PTGIR: variants seen among roughly 807,000 people sequenced by gnomAD.
PTGIR encodes the protein prostacyclin receptor.
PTGIR carries 16 observed loss-of-function variants against 17.6 expected under a neutral mutation model. That is an observed-to-expected ratio of 0.91 (90% CI 0.61 to 1.38). PTGIR has a LOEUF of 1.38. Among genes scored for constraint, PTGIR ranks in the 40% most tolerant of loss-of-function variants. PTGIR has a pLI of 0.00. For synonymous variants in PTGIR, 274 were observed against 255.4 expected (o/e 1.07, Z -0.69); for missense variants, 532 against 548.6 (o/e 0.97, Z 0.30).
downstream of PTGIR, among the ~76,000 whole-genome samples, chr19:46,616,903 C>T (rs1176117161): frequency 1.3e-5 from 2 of 152,258 alleles, no homozygotes; most frequent in African/African-American, 2.4e-5. Context: ...AGCAGACACA[C>T]GTCCTTGCCA....
At chr19:46,613,506 T>C in the PTGIR span, among the ~76,000 whole-genome samples, 1 of 152,004 alleles carries the variant, frequency 6.6e-6, no homozygotes, top group Non-Finnish European at 1.5e-5. Context: ...ATTTCTTTTG[T>C]ATTTTAGTAG....
At chr19:46,619,152 C>A (rs988108414), downstream of PTGIR, among the ~76,000 whole-genome samples, 8 of 152,054 alleles carry the variant, frequency 5.3e-5, no homozygotes, top group African/African-American at 1.9e-4. Context: ...CTGTGTGAGT[C>A]GGGACAGGTG....
At position 46,621,368 on chromosome 19, in the gene PTGIR, T is replaced by TC. The variant is rs1327146350; in HGVS notation, c.1072dup (p.Glu358GlyfsTer228). ...GGACTGCTGTGTGGGAGGCAAGGGC[T>TC]CCACCTGCCCCTCGCCCCAAGCCGA... On this transcript the variant is annotated frameshift_variant, in exon 3 of 3. Coordinates refer to ENST00000291294, the MANE Select transcript of PTGIR (RefSeq NM_000960.4). LOFTEE classifies it low-confidence loss of function (END_TRUNC). This position sits in a 1 kb window ranked among gnomAD's most constrained non-coding sequence, Gnocchi z 4.8. 6.4e-7 allele frequency: 1 copy of TC among 1,569,028 alleles called. No individual in the cohort carries two copies. The highest frequency in any genetic ancestry group is 8.7e-7 in the Non-Finnish European group (1 of 1,155,564).
At position 46,624,243 on chromosome 19, in the gene PTGIR, G is replaced by A; in HGVS notation, c.-12-6C>T. On this transcript the variant is annotated splice_polypyrimidine_tract_variant and splice_region_variant and intron_variant, in intron 1 of 2. Transcript: ENST00000291294. Reference sequence around the variant, plus strand: ...TCCGCCATCCCAGGTCTGGGCTGGAGGGTTCCCAAGGTGGGGGGTCAGAGG... The same window carrying A: ...TCCGCCATCCCAGGTCTGGGCTGGAAGGTTCCCAAGGTGGGGGGTCAGAGG... 1 of 1,423,320 alleles carries A rather than the reference G, an allele frequency of 7.0e-7. No individual in the cohort carries two copies. 88.2% of individuals were successfully genotyped at this position (1,423,320 alleles called of 1,614,324 possible). A position where few individuals can be genotyped will look rare whatever the true frequency, so the allele number is the denominator to read the frequency against.
intron 2 of PTGIR, chr19:46,622,079 A>G (rs1188065709): frequency 1.0e-6 from 1 of 985,440 alleles, no homozygotes; most frequent in African/African-American, 1.7e-5. Flanking sequence ...AACCCCCAAA[A>G]AAGATTTAAG....
chr19:46,617,793 G>A (rs1171185231), downstream of PTGIR, among the ~76,000 whole-genome samples: 1 of 151,770 alleles, frequency 6.6e-6, no homozygotes, highest in African/African-American at 2.4e-5. Context: ...GACAAAGTCA[G>A]GTCCCAATCT....
At chr19:46,613,027 C>CTTTTTTTT in the PTGIR span, among the ~76,000 whole-genome samples, 8 of 74,238 alleles carry the variant, frequency 1.1e-4, no homozygotes, top group African/African-American at 1.1e-4. Context: ...TTGTGCCAAA[C>CTTTTTTTT]TTTTTTTTTT....
chr19:46,611,170 C>T, the PTGIR span, among the ~76,000 whole-genome samples: 13 of 148,990 alleles, frequency 8.7e-5, no homozygotes, highest in South Asian at 1.7e-3. Flanking sequence ...AGGGGAAGGA[C>T]GGAAGGGCAT....
downstream of PTGIR, among the ~76,000 whole-genome samples, chr19:46,616,955 C>A (rs571938190): frequency 2.6e-5 from 4 of 152,368 alleles, no homozygotes; most frequent in South Asian, 2.1e-4. Context: ...CGAAAAAGTT[C>A]TGAGGGCCCG....
Position 46,621,555 on chromosome 19 carries a change from G to A in PTGIR, c.886C>T (p.Arg296Cys), listed in dbSNP as rs764800481. The change falls in exon 3 of 3, where the codon CGC (arginine) becomes TGC (cysteine). Residue 296 changes from arginine to cysteine, a missense_variant. Transcript: ENST00000291294. This position sits in a 1 kb window ranked among gnomAD's most constrained non-coding sequence, Gnocchi z 4.8. Reference sequence around the variant, plus strand: ...TTGAGTCGCTGGAAGACAGCCTTGCGGAAAAGGATGAAGACCCAGGGGTCC... The same window carrying A: ...TTGAGTCGCTGGAAGACAGCCTTGCAGAAAAGGATGAAGACCCAGGGGTCC... Reference protein sequence around the residue: ...ILDPWVFILFRKAVFQRLKLW... With the variant: ...ILDPWVFILFCKAVFQRLKLW... 11 of 1,614,104 alleles carry A rather than the reference G, an allele frequency of 6.8e-6. No individual in the cohort carries two copies. The highest frequency in any genetic ancestry group is 4.4e-5 in the South Asian group (4 of 91,082).
chr19:46,620,439 T>C (rs1972042051), downstream of PTGIR: 1 of 985,182 alleles, frequency 1.0e-6, no homozygotes, highest in East Asian at 1.1e-4. Flanking sequence ...GAAATCTTGG[T>C]GAGGGCTCTA....
chr19:46,621,170 C>G lies in PTGIR; in HGVS notation c.*110G>C. The G allele has an allele frequency of 3.5e-6, 5 of 1,420,730 alleles. No homozygotes were observed. Among genetic ancestry groups the G allele is most frequent in the Non-Finnish European group, 4.6e-6 (5 of 1,084,062 alleles). 88.0% of individuals were successfully genotyped at this position (1,420,730 alleles called of 1,614,324 possible). The stretch of plus-strand genomic sequence containing the variant: ...AGGAGAAACAGCAGCTGATCGGCCC[C>G]AGAGTTTGGGGGCCAAGGTTCCAGC... On this transcript the variant is annotated 3_prime_UTR_variant, in exon 3 of 3. Transcript: ENST00000291294. This position sits in a 1 kb window ranked among gnomAD's most constrained non-coding sequence, Gnocchi z 4.8.
At chr19:46,611,578 G>A in the PTGIR span, among the ~76,000 whole-genome samples, 1 of 152,208 alleles carries the variant, frequency 6.6e-6, no homozygotes, top group African/African-American at 2.4e-5. Context: ...ACCACAGAAA[G>A]CTCAACTTTC....
At chr19:46,613,547 G>C in the PTGIR span, among the ~76,000 whole-genome samples, 176 of 152,046 alleles carry the variant, frequency 1.2e-3, no homozygotes, top group African/African-American at 4.0e-3. Context: ...GCCCAGGCTG[G>C]TCTCAAACTC....
chr19:46,623,494 C>A lies in PTGIR; in HGVS notation c.732G>T (p.Met244Ile), dbSNP rs769289819. ...GGGAGCACACGGCCATGACCACTGT[C>A]ATGAGGGCCAGCAGGATCAGGTGGT... ...EVDHLILLAL[M>I]TVVMAVCSLP... Residue 244 changes from methionine (M) to isoleucine (I), a missense_variant, in exon 2 of 3, where the codon ATG becomes ATT. Physicochemically the swap from Met to Ile is conservative, Grantham distance 10. Coordinates refer to ENST00000291294, the MANE Select transcript of PTGIR (RefSeq NM_000960.4). The A allele has an allele frequency of 3.8e-6, 6 of 1,579,220 alleles. No homozygotes were observed. The highest frequency in any genetic ancestry group is 8.6e-7 in the Non-Finnish European group (1 of 1,161,796).
At chr19:46,619,338 C>CA (rs1972005507), downstream of PTGIR, among the ~76,000 whole-genome samples, 1 of 151,496 alleles carries the variant, frequency 6.6e-6, no homozygotes, top group East Asian at 1.9e-4. Context: ...ACTACAAATA[C>CA]AAAAAAATTA....
At chr19:46,619,499 A>AAG (rs1972009304), downstream of PTGIR, among the ~76,000 whole-genome samples, 1 of 54,348 alleles carries the variant, frequency 1.8e-5, no homozygotes, top group Non-Finnish European at 3.8e-5. Context: ...TGTCTCAAAA[A>AAG]AGAAAGAAAG....
Position 46,621,791 on chromosome 19 carries a change from A to C in PTGIR, c.769-119T>G, listed in dbSNP as rs1393854538. The C allele has an allele frequency of 6.9e-7, 1 of 1,451,742 alleles. No homozygotes were observed. Among genetic ancestry groups the C allele is most frequent in the Non-Finnish European group, 9.1e-7 (1 of 1,102,076 alleles). The allele number at this position is 1,451,742 out of a possible 1,614,324, so 89.9% of individuals were successfully genotyped here. ...AGGGGTGACATGTCAGAGGGGAAGG[A>C]GATAAGATAAAGACTAAGTAACAAA... On this transcript the variant is annotated intron_variant, in intron 2 of 2. Coordinates refer to ENST00000291294, the MANE Select transcript of PTGIR (RefSeq NM_000960.4). The surrounding 1 kb of genome is among the most constrained non-coding windows in gnomAD (Gnocchi z 4.8).
At chr19:46,620,458 T>A (rs142687914), downstream of PTGIR, 10 of 985,302 alleles carry the variant, frequency 1.0e-5, no homozygotes, top group Non-Finnish European at 1.2e-5. Flanking sequence ...TAAGGACACA[T>A]AACATGAGGT....
Sources: allele counts gnomAD v4.1 joint callset (sites outside exome capture counted in the v4.1 genomes callset), GRCh38; gene constraint gnomAD v4.1.1; non-coding constraint Gnocchi (gnomAD v3.1); transcripts MANE v1.5; gene names NCBI Gene and HGNC (gene_info 2026-07-23, HGNC 2026-07-21).